The following HERC3 variants were observed in gnomAD, a reference collection of about 807,000 sequenced individuals.
HERC3 encodes HECT and RLD domain containing E3 ubiquitin protein ligase 3.
In HERC3, 58 loss-of-function variants were observed where a neutral mutation model predicts 129.9. The ratio of observed to expected loss-of-function variants is 0.45; its 90% CI spans 0.36 to 0.56. The LOEUF (loss-of-function observed/expected upper bound fraction) is 0.56. Ranked by LOEUF, HERC3 falls within the 20% of genes least tolerant of loss-of-function variation. The probability of loss-of-function intolerance (pLI) is 0.00; values close to 1 mark genes in which losing one functional copy is unlikely to be tolerated. For missense variants in HERC3, 835 were observed against 1,244.2 expected, an observed-to-expected ratio of 0.67 and a Z score of 4.95; for synonymous variants, 430 against 451.0, an observed-to-expected ratio of 0.95 and a Z score of 0.59.
chr4:88,602,120 G>T (rs1011985031), intron 2 of HERC3, among the ~76,000 whole-genome samples: 5 of 151,268 alleles, frequency 3.3e-5, no homozygotes, highest in African/African-American at 1.2e-4. Flanking sequence ...TTGGAAACCG[G>T]CTGGGCTCCG....
At chr4:88,596,556 G>T (rs1722412340) in intron 2 of HERC3, among the ~76,000 whole-genome samples, 1 of 152,176 alleles carries the variant, frequency 6.6e-6, no homozygotes, top group South Asian at 2.1e-4. Flanking sequence ...AGTAAAACCT[G>T]GTTCCTTCAT....
the HERC3 span, among the ~76,000 whole-genome samples, chr4:88,570,047 T>C: frequency 3.6e-4 from 55 of 152,184 alleles, no homozygotes; most frequent in Non-Finnish European, 5.3e-4. Flanking sequence ...GGGTGGCAGA[T>C]AGGTAGGAGA....
intron 23 of HERC3, chr4:88,697,160 A>G (rs757263734): frequency 7.7e-5 from 112 of 1,456,976 alleles, no homozygotes; most frequent in Non-Finnish European, 1.0e-4. Flanking sequence ...AAACAAAACC[A>G]GGCTTTTTTC....
At chr4:88,578,581 T>TA in the HERC3 span, among the ~76,000 whole-genome samples, 182 of 114,194 alleles carry the variant, frequency 1.6e-3, no homozygotes, top group African/African-American at 2.2e-3. Context: ...AACTCCATCA[T>TA]AAAAAAAAAA....
chr4:88,533,509 T>C, the HERC3 span, among the ~76,000 whole-genome samples: 2 of 152,136 alleles, frequency 1.3e-5, no homozygotes, highest in African/African-American at 2.4e-5. Flanking sequence ...CCTATGTGAG[T>C]AATTTGATGC....
upstream of HERC3, among the ~76,000 whole-genome samples, chr4:88,592,080 C>A (rs558745608): frequency 2.6e-5 from 4 of 152,320 alleles, no homozygotes; most frequent in African/African-American, 9.6e-5. Context: ...CTTTTTCCCC[C>A]GTGCCCAAGG....
chr4:88,681,934 C>T (rs2972038), intron 21 of HERC3, among the ~76,000 whole-genome samples: 50,242 of 152,024 alleles, frequency 0.33, 9,975 homozygotes, highest in African/African-American at 0.54. Context: ...ATGTAATTTG[C>T]GCCCATCAGT....
At chr4:88,687,494 A>T (rs1007189893) in intron 23 of HERC3, among the ~76,000 whole-genome samples, 195 bp downstream of exon 23, 11 of 152,328 alleles carry the variant, frequency 7.2e-5, no homozygotes, top group African/African-American at 2.6e-4. Context: ...GATTCAGGAG[A>T]TGACTGTTTT....
At chr4:88,684,644 G>A (rs1405382376) in intron 21 of HERC3, among the ~76,000 whole-genome samples, 3 of 152,124 alleles carry the variant, frequency 2.0e-5, no homozygotes, top group Admixed American at 2.0e-4. Flanking sequence ...GAACTAAAGA[G>A]CTTCTGCACA....
rs891774840 is a variant in HERC3 at position 88,707,423 on chromosome 4, C to A, written c.*463C>A. On this transcript the variant is annotated 3_prime_UTR_variant, in exon 26 of 26. Coordinates refer to ENST00000402738, the MANE Select transcript of HERC3 (RefSeq NM_014606.3). ...CTGCGCATGCGAGAACATCACCTTC[C>A]TCTGTACACTTGGAAATGCCTCTGG... 1.9e-5 allele frequency: 3 copies of A among 156,166 alleles called. No homozygotes were observed. Among genetic ancestry groups the A allele is most frequent in the African/African-American group, 7.2e-5 (3 of 41,466 alleles). 9.7% of individuals were successfully genotyped at this position (156,166 alleles called of 1,614,324 possible).
chr4:88,683,541 A>G (rs1733047883), intron 21 of HERC3, among the ~76,000 whole-genome samples: 1 of 152,246 alleles, frequency 6.6e-6, no homozygotes, highest in Non-Finnish European at 1.5e-5. Flanking sequence ...ATGTATTTCA[A>G]GTAATGACTT....
the HERC3 span, among the ~76,000 whole-genome samples, chr4:88,551,464 G>A: frequency 1.3e-5 from 2 of 150,622 alleles, no homozygotes; most frequent in East Asian, 3.9e-4. Flanking sequence ...CCATCAAAAA[G>A]TGGGCAAAGG....
Position 88,706,910 on chromosome 4 carries a change from G to A in HERC3, c.3103G>A (p.Ala1035Thr). The A allele has an allele frequency of 6.2e-7, 1 of 1,614,168 alleles. No individual in the cohort carries two copies. Among genetic ancestry groups the A allele is most frequent in the Non-Finnish European group, 8.5e-7 (1 of 1,180,036 alleles). ...GTACAGCAGCAAAGAGATTCTGAGTGCCCGGCTGACCCAGGCCCTTGACAA... is the reference window on the plus strand; with the variant it reads ...GTACAGCAGCAAAGAGATTCTGAGTACCCGGCTGACCCAGGCCCTTGACAA... ...PKYSSKEILS[A>T]RLTQALDNYE... Residue 1035 changes from alanine (A) to threonine (T), a missense_variant, in exon 26 of 26, where the codon GCC becomes ACC. Coordinates refer to ENST00000402738, the MANE Select transcript of HERC3 (RefSeq NM_014606.3).
the HERC3 span, among the ~76,000 whole-genome samples, chr4:88,531,591 A>G: frequency 6.6e-6 from 1 of 152,200 alleles, no homozygotes; most frequent in African/African-American, 2.4e-5. Context: ...CTCAACCTCC[A>G]TCTGAAGATG....
the HERC3 span, among the ~76,000 whole-genome samples, chr4:88,536,443 C>T: frequency 6.6e-6 from 1 of 152,126 alleles, no homozygotes; most frequent in Non-Finnish European, 1.5e-5. Context: ...CAGTAAACTA[C>T]CCTACCCCGA....
intron 3 of HERC3, among the ~76,000 whole-genome samples, chr4:88,630,988 A>C (rs987015930): frequency 1.3e-5 from 2 of 152,224 alleles, no homozygotes; most frequent in Non-Finnish European, 2.9e-5. Context: ...TCCATATGTT[A>C]TTATTGACTT....
chr4:88,624,992 ATGGAAGACAGT>A (rs1311892055), intron 3 of HERC3, among the ~76,000 whole-genome samples: 1 of 152,176 alleles, frequency 6.6e-6, no homozygotes. Context: ...CCTGGAACCT[ATGGAAGACAGT>A]TGGCTGTGTG....
chr4:88,628,383 A>G (rs566125025), intron 3 of HERC3, among the ~76,000 whole-genome samples: 6 of 152,264 alleles, frequency 3.9e-5, no homozygotes, highest in African/African-American at 1.2e-4. Context: ...TAGTATTAGC[A>G]TGGTAATCTT....
the HERC3 span, among the ~76,000 whole-genome samples, chr4:88,536,565 C>T: frequency 6.6e-6 from 1 of 152,248 alleles, no homozygotes; most frequent in East Asian, 1.9e-4. Flanking sequence ...AGGTCACATA[C>T]CATGTGTATT....
Sources: gnomAD v4.1 joint callset for allele counts (sites outside exome capture counted in the v4.1 genomes callset) on GRCh38, gnomAD v4.1.1 for gene constraint, MANE v1.5 for transcripts, NCBI Gene and HGNC (gene_info 2026-07-23, HGNC 2026-07-21) for gene names.